The following REDIC1 variants were observed in gnomAD, a reference collection of about 807,000 sequenced individuals.
REDIC1 encodes regulator of DNA class I crossover intermediates 1, also known as HEI10 Interacting Protein 1.
At chr12:39,760,659 A>C in the REDIC1 span, among the ~76,000 whole-genome samples, 1 of 151,956 alleles carries the variant, frequency 6.6e-6, no homozygotes, top group Non-Finnish European at 1.5e-5. Flanking sequence ...AGGCACTTTG[A>C]GGTCAGAAGA....
the REDIC1 span, among the ~76,000 whole-genome samples, chr12:39,878,546 G>A: frequency 6.6e-6 from 1 of 152,210 alleles, no homozygotes; most frequent in East Asian, 1.9e-4. Context: ...GCTTGAGCTT[G>A]AGATTGATTA....
the REDIC1 span, among the ~76,000 whole-genome samples, chr12:39,738,351 T>G: frequency 6.6e-6 from 1 of 152,232 alleles, no homozygotes; most frequent in East Asian, 1.9e-4. Flanking sequence ...TTAAGAATTT[T>G]TATTCATATA....
chr12:39,853,870 A>G, the REDIC1 span, among the ~76,000 whole-genome samples: 2 of 152,186 alleles, frequency 1.3e-5, no homozygotes, highest in African/African-American at 4.8e-5. Flanking sequence ...TGTTAGTTCA[A>G]TTAAATGGCA....
At chr12:39,706,068 A>T in the REDIC1 span, among the ~76,000 whole-genome samples, 3 of 152,070 alleles carry the variant, frequency 2.0e-5, no homozygotes, top group Admixed American at 2.0e-4. Flanking sequence ...ATTTAGAAAA[A>T]CCAAAAGATG....
At chr12:39,711,282 A>G in the REDIC1 span, among the ~76,000 whole-genome samples, 1 of 149,092 alleles carries the variant, frequency 6.7e-6, no homozygotes, top group Non-Finnish European at 1.5e-5. Context: ...TATATCACAT[A>G]TATAGTGTAT....
the REDIC1 span, chr12:39,864,776 A>T: frequency 6.2e-7 from 1 of 1,614,074 alleles, no homozygotes; most frequent in Non-Finnish European, 8.5e-7. Context: ...ATCTTGTGCA[A>T]GTGGCGTTCT....
the REDIC1 span, among the ~76,000 whole-genome samples, chr12:39,702,391 T>C: frequency 6.6e-6 from 1 of 152,150 alleles, no homozygotes; most frequent in Non-Finnish European, 1.5e-5. Context: ...CAGGAAGAAG[T>C]TGAATCCCTG....
chr12:39,723,029 A>G, the REDIC1 span, among the ~76,000 whole-genome samples: 1 of 152,174 alleles, frequency 6.6e-6, no homozygotes, highest in Admixed American at 6.6e-5. Flanking sequence ...ATTGAGACCC[A>G]GTAAAGACTT....
the REDIC1 span, among the ~76,000 whole-genome samples, chr12:39,772,867 GCTC>G: frequency 3.5e-5 from 2 of 56,726 alleles, no homozygotes; most frequent in East Asian, 3.1e-4. Context: ...AGGCCAAGTA[GCTC>G]CTCATCATCC....
the REDIC1 span, among the ~76,000 whole-genome samples, chr12:39,776,892 C>A: frequency 1.7e-4 from 26 of 152,048 alleles, no homozygotes; most frequent in African/African-American, 5.8e-4. Flanking sequence ...TTAATAAAAC[C>A]CCACAGGTTT....
chr12:39,863,131 A>AT, the REDIC1 span, among the ~76,000 whole-genome samples: 1 of 152,132 alleles, frequency 6.6e-6, no homozygotes, highest in Non-Finnish European at 1.5e-5. Flanking sequence ...ATGGCTGCTT[A>AT]TTTTTGTAAT....
chr12:39,898,692 T>C, the REDIC1 span, among the ~76,000 whole-genome samples: 1 of 152,178 alleles, frequency 6.6e-6, no homozygotes, highest in South Asian at 2.1e-4. Context: ...AACTGCAGAT[T>C]GCAATCTCCC....
At chr12:39,895,514 TTATATATATA>T in the REDIC1 span, among the ~76,000 whole-genome samples, 3,637 of 56,558 alleles carry the variant, frequency 0.064, 472 homozygotes, top group African/African-American at 0.17. Context: ...AAAAAAAAAA[TTATATATATA>T]TATATATATA....
chr12:39,896,521 C>G, the REDIC1 span, among the ~76,000 whole-genome samples: 1 of 126,682 alleles, frequency 7.9e-6, no homozygotes, highest in Non-Finnish European at 1.7e-5. Context: ...TGTGTGTATA[C>G]ATGTATACAT....
the REDIC1 span, among the ~76,000 whole-genome samples, chr12:39,731,302 T>C: frequency 6.6e-6 from 1 of 152,236 alleles, no homozygotes; most frequent in Non-Finnish European, 1.5e-5. Flanking sequence ...TATCTACCTT[T>C]GGTCTTTGAT....
the REDIC1 span, among the ~76,000 whole-genome samples, chr12:39,655,181 T>C: frequency 3.3e-5 from 5 of 152,334 alleles, no homozygotes; most frequent in Non-Finnish European, 2.9e-5. Flanking sequence ...GAGTTTTGGT[T>C]TAATCAATTT....
At chr12:39,726,395 G>T in the REDIC1 span, among the ~76,000 whole-genome samples, 2 of 151,962 alleles carry the variant, frequency 1.3e-5, no homozygotes, top group African/African-American at 4.8e-5. Flanking sequence ...TCCCACTTAC[G>T]AGTGAGAACA....
At chr12:39,864,652 C>T in the REDIC1 span, 4 of 1,420,624 alleles carry the variant, frequency 2.8e-6, no homozygotes, top group Non-Finnish European at 3.8e-6. Flanking sequence ...CTTACATAAG[C>T]CTGGATGCCC....
At chr12:39,797,388 C>T in the REDIC1 span, among the ~76,000 whole-genome samples, 39 of 152,136 alleles carry the variant, frequency 2.6e-4, no homozygotes, top group Non-Finnish European at 5.0e-4. Flanking sequence ...TTTCCTATTT[C>T]AGCACAGTAT....
Sources: allele counts gnomAD v4.1 joint callset (sites outside exome capture counted in the v4.1 genomes callset), GRCh38; gene constraint gnomAD v4.1.1; transcripts MANE v1.5; gene names NCBI Gene and HGNC (gene_info 2026-07-23, HGNC 2026-07-21).